Variants in KALRN observed in about 807,000 individuals in gnomAD.
KALRN encodes kalirin RhoGEF kinase.
KALRN carries 70 observed loss-of-function variants against 353.7 expected under a neutral mutation model. The ratio of observed to expected loss-of-function variants is 0.20; its 90% CI spans 0.16 to 0.24. The LOEUF (loss-of-function observed/expected upper bound fraction) is 0.24. KALRN is among the 10% of genes least tolerant of loss of function. The pLI is 1.00. For missense variants in KALRN, 2,791 were observed against 3,756.7 expected (o/e 0.74, Z 6.72); for synonymous variants, 1,391 against 1,434.8 (o/e 0.97, Z 0.69).
intron 10 of KALRN, among the ~76,000 whole-genome samples, chr3:124,348,366 A>G (rs76873273): frequency 0.02 from 3,025 of 152,322 alleles, 85 homozygotes; most frequent in African/African-American, 0.068. Context: ...ACTATGTGCT[A>G]TGGATGCAAA....
chr3:124,658,610 G>A (rs2084400182), intron 42 of KALRN, 93 bp downstream of exon 42: 1 of 921,124 alleles, frequency 1.1e-6, no homozygotes, highest in Non-Finnish European at 1.8e-6. Context: ...CCATCCATAT[G>A]TGACCCCCAC....
chr3:124,504,726 C>A, intron 33 of KALRN: 1 of 400,588 alleles, frequency 2.5e-6, no homozygotes, highest in Non-Finnish European at 5.2e-6. Context: ...TGGTTGGGCT[C>A]TGAGAGCTTG....
intron 57 of KALRN, among the ~76,000 whole-genome samples, chr3:124,707,988 T>C (rs1016328101): frequency 1.3e-5 from 2 of 152,224 alleles, no homozygotes; most frequent in South Asian, 2.1e-4. Context: ...AGTGACTGTT[T>C]AGTCTCAGAC....
intron 25 of KALRN, among the ~76,000 whole-genome samples, chr3:124,470,776 C>G (rs2060810352): frequency 6.7e-6 from 1 of 149,306 alleles, no homozygotes; most frequent in Non-Finnish European, 1.5e-5. Context: ...CAAGAGTGTT[C>G]CTTGAGACAA....
intron 6 of KALRN, among the ~76,000 whole-genome samples, chr3:124,303,021 G>A (rs181566360): frequency 1.3e-4 from 20 of 152,138 alleles, no homozygotes; most frequent in Non-Finnish European, 2.2e-4. Flanking sequence ...TATAAATTTT[G>A]GGGCTCTGCT....
At chr3:124,589,566 T>TG (rs2075565588) in intron 34 of KALRN, among the ~76,000 whole-genome samples, 1 of 152,220 alleles carries the variant, frequency 6.6e-6, no homozygotes, top group African/African-American at 2.4e-5. Flanking sequence ...GCACTCAGCC[T>TG]GGGTGACAGA....
chr3:124,443,729 T>A (rs761494922), intron 19 of KALRN, among the ~76,000 whole-genome samples: 1 of 152,176 alleles, frequency 6.6e-6, no homozygotes, highest in African/African-American at 2.4e-5. Context: ...CTACATCTTC[T>A]TGGAGGCAAG....
chr3:124,299,389 GA>G (rs1274410962), intron 6 of KALRN, among the ~76,000 whole-genome samples: 1 of 152,170 alleles, frequency 6.6e-6, no homozygotes, highest in Non-Finnish European at 1.5e-5. Context: ...GCCTTAAAGA[GA>G]AAAGGGTAGA....
chr3:124,634,496 C>T (rs1389992144), intron 36 of KALRN, among the ~76,000 whole-genome samples: 1 of 152,190 alleles, frequency 6.6e-6, no homozygotes. Flanking sequence ...TTGCAAGATT[C>T]CCCGGCCCGC....
At chr3:124,538,215 G>A (rs1024783247) in intron 33 of KALRN, among the ~76,000 whole-genome samples, 1 of 152,096 alleles carries the variant, frequency 6.6e-6, no homozygotes. Flanking sequence ...AGGAACCAAA[G>A]AAGGTGATAT....
At chr3:124,213,725 A>G (rs1296602984) in intron 1 of KALRN, among the ~76,000 whole-genome samples, 2 of 152,162 alleles carry the variant, frequency 1.3e-5, no homozygotes, top group Non-Finnish European at 2.9e-5. Context: ...ATTTGCATAC[A>G]TGGAAAATTA....
chr3:124,153,865 C>T (rs1231953408), intron 1 of KALRN, among the ~76,000 whole-genome samples: 2 of 151,940 alleles, frequency 1.3e-5, no homozygotes, highest in Non-Finnish European at 2.9e-5. Flanking sequence ...TCTCTGATGG[C>T]CAGTGATGAT....
At chr3:124,432,621 G>A (rs756794668) in intron 16 of KALRN, among the ~76,000 whole-genome samples, 1 of 152,192 alleles carries the variant, frequency 6.6e-6, no homozygotes, top group Non-Finnish European at 1.5e-5. Flanking sequence ...GTAAGACCAA[G>A]TGTCATAACA....
At chr3:124,548,527 A>C (rs2070014196) in intron 33 of KALRN, among the ~76,000 whole-genome samples, 1 of 152,272 alleles carries the variant, frequency 6.6e-6, no homozygotes, top group Non-Finnish European at 1.5e-5. Flanking sequence ...CCACTGAGCC[A>C]TTCAGCAGGA....
intron 13 of KALRN, among the ~76,000 whole-genome samples, chr3:124,399,381 G>A (rs369761202): frequency 1.1e-4 from 16 of 152,190 alleles, no homozygotes; most frequent in African/African-American, 3.9e-4. Flanking sequence ...CAGGTGATCC[G>A]CCTGCCTCAG....
intron 13 of KALRN, 59 bp from the exon 14 acceptor site, chr3:124,413,411 A>G (rs1249471726): frequency 3.5e-6 from 5 of 1,425,510 alleles, no homozygotes; most frequent in Non-Finnish European, 4.9e-6. Flanking sequence ...GTGAGCCTTA[A>G]CCTAACAATC....
chr3:124,677,660 C>A, intron 49 of KALRN: 1 of 452,544 alleles, frequency 2.2e-6, no homozygotes, highest in Non-Finnish European at 4.4e-6. Context: ...CACAGAAAAT[C>A]CTGTCTGATC....
chr3:124,205,123 A>C (rs143044274), intron 1 of KALRN, among the ~76,000 whole-genome samples: 43 of 152,358 alleles, frequency 2.8e-4, no homozygotes, highest in Non-Finnish European at 5.0e-4. Context: ...AGGAAGGCAT[A>C]GTCAGTGACG....
At chr3:124,083,330 G>A (rs1693078538) in intron 1 of KALRN, among the ~76,000 whole-genome samples, 1 of 152,164 alleles carries the variant, frequency 6.6e-6, no homozygotes, top group Non-Finnish European at 1.5e-5. Flanking sequence ...AAGATGTGGT[G>A]GGTGCAGATG....
Sources: allele counts gnomAD v4.1 joint callset (sites outside exome capture counted in the v4.1 genomes callset), GRCh38; gene constraint gnomAD v4.1.1; transcripts MANE v1.5; gene names NCBI Gene and HGNC (gene_info 2026-07-23, HGNC 2026-07-21).